MICU1: variants seen among roughly 807,000 people sequenced by gnomAD.
MICU1 encodes mitochondrial calcium uptake 1.
A neutral mutation model predicts 56.8 loss-of-function variants in MICU1; 45 were observed. The observed-to-expected ratio is 0.79, with a 90% CI of 0.62 to 1.02. The LOEUF (loss-of-function observed/expected upper bound fraction) is 1.02. Among genes scored for constraint, MICU1 ranks in the 50% least tolerant of loss-of-function variants. The pLI is 0.00. For missense variants in MICU1, 504 were observed against 587.1 expected, an observed-to-expected ratio of 0.86 and a Z score of 1.46; for synonymous variants, 186 against 195.1, an observed-to-expected ratio of 0.95 and a Z score of 0.39.
At chr10:72,588,730 TG>T (rs1841137217) in intron 1 of MICU1, among the ~76,000 whole-genome samples, 1 of 152,202 alleles carries the variant, frequency 6.6e-6, no homozygotes. Flanking sequence ...GGCTGTCCTA[TG>T]CATCGTAGGA....
At chr10:72,507,228 G>A (rs1867282630) in intron 6 of MICU1, among the ~76,000 whole-genome samples, 1 of 151,486 alleles carries the variant, frequency 6.6e-6, no homozygotes, top group Admixed American at 6.6e-5. Context: ...TTCACCTTAG[G>A]TAGATTTTAA....
chr10:72,403,992 G>T (rs991536264), intron 10 of MICU1, among the ~76,000 whole-genome samples: 18 of 110,846 alleles, frequency 1.6e-4, no homozygotes, highest in South Asian at 5.7e-4. Flanking sequence ...TGTGTTTTTT[G>T]TTTGTTTGTT....
At chr10:72,570,467 A>T (rs1840580800) in intron 1 of MICU1, among the ~76,000 whole-genome samples, 1 of 152,162 alleles carries the variant, frequency 6.6e-6, no homozygotes, top group African/African-American at 2.4e-5. Context: ...CTAACATTTA[A>T]GTATACTCTA....
intron 2 of MICU1, among the ~76,000 whole-genome samples, chr10:72,566,045 T>TC (rs1554890389): frequency 2.1e-5 from 3 of 140,494 alleles, no homozygotes; most frequent in Non-Finnish European, 3.1e-5. Flanking sequence ...TTTTCTTTTT[T>TC]TTTTTTTTTT....
intron 8 of MICU1, among the ~76,000 whole-genome samples, chr10:72,455,349 T>TC (rs528662324): frequency 0.14 from 2,694 of 19,564 alleles, 208 homozygotes; most frequent in African/African-American, 0.31. Context: ...AGACTCTGTC[T>TC]CAAAAAAAAA....
chr10:72,530,520 A>G (rs1408539919), intron 5 of MICU1, among the ~76,000 whole-genome samples: 1 of 152,114 alleles, frequency 6.6e-6, no homozygotes, highest in Non-Finnish European at 1.5e-5. Flanking sequence ...TCAAAATAAT[A>G]TCACTTATCT....
chr10:72,378,309 CCA>C (rs1176723295), intron 10 of MICU1, among the ~76,000 whole-genome samples: 1 of 152,078 alleles, frequency 6.6e-6, no homozygotes, highest in Non-Finnish European at 1.5e-5. Flanking sequence ...ATGGTAATCC[CCA>C]GTGTTGGAGG....
At chr10:72,501,570 G>T (rs1181931825) in intron 6 of MICU1, among the ~76,000 whole-genome samples, 1 of 151,934 alleles carries the variant, frequency 6.6e-6, no homozygotes, top group East Asian at 1.9e-4. Context: ...TTATATTCTA[G>T]ATTGGAAAAT....
In MICU1 at chr10:72,468,902, G is replaced by A. The variant is rs11819159; in HGVS notation, c.933+6198C>T. Among the ~76,000 whole-genome samples the A allele has an allele frequency of 9.9e-3, 1,513 of 152,270 alleles. 30 individuals are homozygous for A. Among genetic ancestry groups the A allele is most frequent in the African/African-American group, 0.035 (1,438 of 41,546 alleles). On this transcript the variant is annotated intron_variant, in intron 8 of 11. Transcript: ENST00000361114. ...TAGAGTCCCAAATAAATCAGGTACA[G>A]AAATGCCATTTCAGACTAAAAGTAA...
intron 5 of MICU1, among the ~76,000 whole-genome samples, chr10:72,522,368 T>C (rs1867849312): frequency 6.6e-6 from 1 of 152,118 alleles, no homozygotes; most frequent in Admixed American, 6.6e-5. Flanking sequence ...AAATCAACAA[T>C]GATAAATCAA....
At chr10:72,432,776 C>T (rs989717178) in intron 8 of MICU1, among the ~76,000 whole-genome samples, 1 of 152,230 alleles carries the variant, frequency 6.6e-6, no homozygotes, top group African/African-American at 2.4e-5. Flanking sequence ...CAAACACCTC[C>T]ACTAGGCACA....
chr10:72,425,856 G>A (rs539148100), intron 8 of MICU1, among the ~76,000 whole-genome samples: 7 of 152,226 alleles, frequency 4.6e-5, no homozygotes, highest in African/African-American at 1.7e-4. Flanking sequence ...AGACCACTAT[G>A]CTAAGGCTAG....
chr10:72,605,868 C>T (rs544443654), intron 1 of MICU1, among the ~76,000 whole-genome samples: 1 of 152,076 alleles, frequency 6.6e-6, no homozygotes, highest in African/African-American at 2.4e-5. Context: ...TGGTGACTCA[C>T]GCCTATAATC....
intron 11 of MICU1, among the ~76,000 whole-genome samples, chr10:72,374,808 C>CT (rs34228174): frequency 0.058 from 4,508 of 77,146 alleles, 715 homozygotes; most frequent in East Asian, 0.28. Context: ...CTACTATTAT[C>CT]TTTTTTTTTT....
chr10:72,418,992 T>C (rs965896217), intron 9 of MICU1, among the ~76,000 whole-genome samples: 5 of 152,194 alleles, frequency 3.3e-5, no homozygotes, highest in Admixed American at 6.5e-5. Context: ...CTGACAAAAT[T>C]TGTCCTTTCA....
rs758594848 is a variant in MICU1 at position 72,458,209 on chromosome 10, A to G, written c.933+16891T>C. 5.1e-4 allele frequency among the ~76,000 whole-genome samples: 78 copies of G among 152,038 alleles called. 1 individual carries two copies. The highest frequency in any genetic ancestry group is 1.8e-4 in the Non-Finnish European group (12 of 68,006). On this transcript the variant is annotated intron_variant, in intron 8 of 11. Transcript: ENST00000361114. ...AAAAGAAAAGCATTTCTATATTGGA[A>G]AGAAAATAATAGCATAATAATATTA...
At position 72,566,801 on chromosome 10, in the gene MICU1, A is replaced by G. The variant is rs1312456554; in HGVS notation, c.-1-7T>C. ...TGAGTTCAGACGAAACATCCTGTGG[A>G]CAATAAGTAGAAATGTCACTCTTAG... On this transcript the variant is annotated splice_region_variant and splice_polypyrimidine_tract_variant and intron_variant, in intron 1 of 11. Transcript: ENST00000361114. The G allele has an allele frequency of 6.2e-7, 1 of 1,603,940 alleles. No individual in the cohort carries two copies. Among genetic ancestry groups the G allele is most frequent in the Non-Finnish European group, 8.5e-7 (1 of 1,175,644 alleles).
At chr10:72,534,948 C>T (rs964792996) in intron 4 of MICU1, among the ~76,000 whole-genome samples, 2 of 148,550 alleles carry the variant, frequency 1.3e-5, no homozygotes, top group African/African-American at 2.5e-5. Flanking sequence ...GATAAAAGAA[C>T]AGAGAACAAG....
chr10:72,578,860 C>T (rs545814152), intron 1 of MICU1, among the ~76,000 whole-genome samples: 9 of 152,118 alleles, frequency 5.9e-5, no homozygotes, highest in Non-Finnish European at 1.0e-4. Flanking sequence ...CCGCCTTGGC[C>T]TCCCAAAGTG....
Sources: allele counts gnomAD v4.1 joint callset (sites outside exome capture counted in the v4.1 genomes callset), GRCh38; gene constraint gnomAD v4.1.1; transcripts MANE v1.5; gene names NCBI Gene and HGNC (gene_info 2026-07-23, HGNC 2026-07-21).